The following GRK3 variants were observed in gnomAD, a reference collection of about 807,000 sequenced individuals.
The protein encoded by GRK3 is G protein-coupled receptor kinase 3, also known as adrenergic, beta, receptor kinase 2.
Under a neutral mutation model 95.7 loss-of-function variants are expected in GRK3, and 54 were observed. The observed-to-expected ratio is 0.56, with a 90% CI of 0.45 to 0.71. GRK3 has a LOEUF of 0.71. Ranked by LOEUF, GRK3 falls within the 30% of genes least tolerant of loss-of-function variation. The pLI is 0.00. For synonymous variants in GRK3, 281 were observed against 290.8 expected (o/e 0.97, Z 0.34); for missense variants, 649 against 851.2 (o/e 0.76, Z 2.96).
chr22:25,708,178 C>T (rs1330487577), intron 15 of GRK3, among the ~76,000 whole-genome samples: 2 of 151,964 alleles, frequency 1.3e-5, no homozygotes, highest in Admixed American at 6.6e-5. Flanking sequence ...ACCCAGGAGG[C>T]GGAGGTTGCA....
At chr22:25,608,276 T>G (rs1455886583) in intron 2 of GRK3, among the ~76,000 whole-genome samples, 1 of 152,222 alleles carries the variant, frequency 6.6e-6, no homozygotes, top group Admixed American at 6.5e-5. Flanking sequence ...ATGGTGAGTT[T>G]TCTAAATACA....
chr22:25,700,697 C>T (rs1376143341), intron 13 of GRK3, among the ~76,000 whole-genome samples: 1 of 152,160 alleles, frequency 6.6e-6, no homozygotes, highest in East Asian at 1.9e-4. Context: ...ACACCATTCT[C>T]CTGCCTCAGC....
rs77263742 is a variant in GRK3 at position 25,681,800 on chromosome 22, G to A, written c.747+2885G>A. The stretch of plus-strand genomic sequence containing the variant: ...TTTTAGTAGGAAATCAAAGTAGACA[G>A]TTCCTTGCTCAAGAGTTTTACTTAA... On this transcript the variant is annotated intron_variant, in intron 9 of 20. Transcript: ENST00000324198. 1.0e-3 allele frequency among the ~76,000 whole-genome samples: 153 copies of A among 152,290 alleles called. 1 individual carries two copies. Among genetic ancestry groups the A allele is most frequent in the African/African-American group, 3.6e-3 (148 of 41,568 alleles).
chr22:25,576,296 C>A (rs1468386179), intron 1 of GRK3, among the ~76,000 whole-genome samples: 1 of 152,156 alleles, frequency 6.6e-6, no homozygotes, highest in Non-Finnish European at 1.5e-5. Flanking sequence ...GTCACCCCTC[C>A]TAGGAGTGGC....
intron 13 of GRK3, among the ~76,000 whole-genome samples, chr22:25,696,970 C>T (rs1237934061): frequency 6.6e-6 from 1 of 152,190 alleles, no homozygotes; most frequent in Non-Finnish European, 1.5e-5. Context: ...TGCTGTTCTC[C>T]CCAGTGGAGT....
Position 25,648,936 on chromosome 22 carries a change from CT to C in GRK3, c.264+4272del, listed in dbSNP as rs1217236048. ...CAAATGGACAGCTCCTGAAGTTGCA[CT>C]GTATGGTGGGTTTACAATAAAGTCT... On this transcript the variant is annotated intron_variant, in intron 3 of 20. Coordinates refer to ENST00000324198, the MANE Select transcript of GRK3 (RefSeq NM_005160.4). The C allele has an allele frequency of 6.8e-6, 6 of 887,890 alleles. No individual in the cohort carries two copies. In the African/African-American group the frequency reaches 9.8e-5, roughly 15 times the overall value. 55.0% of individuals were successfully genotyped at this position (887,890 alleles called of 1,614,324 possible).
chr22:25,581,327 G>T (rs1200014077), intron 1 of GRK3: 1 of 152,180 alleles, frequency 6.6e-6, no homozygotes, highest in Non-Finnish European at 1.5e-5. Context: ...TCCCTGCAGG[G>T]CTAATGGAAG....
At chr22:25,570,343 C>CT (rs1473804492) in intron 1 of GRK3, among the ~76,000 whole-genome samples, 1 of 152,168 alleles carries the variant, frequency 6.6e-6, no homozygotes, top group African/African-American at 2.4e-5. Flanking sequence ...TTTCTACTGT[C>CT]TTTTTATTTA....
At chr22:25,671,982 G>A (rs2084986262) in intron 6 of GRK3, among the ~76,000 whole-genome samples, 1 of 151,942 alleles carries the variant, frequency 6.6e-6, no homozygotes, top group Non-Finnish European at 1.5e-5. Flanking sequence ...TAATATATTG[G>A]GTTACATAAA....
chr22:25,569,076 A>G (rs568476897), intron 1 of GRK3, among the ~76,000 whole-genome samples: 2 of 151,842 alleles, frequency 1.3e-5, no homozygotes, highest in African/African-American at 4.8e-5. Context: ...AACTTGAAAT[A>G]CTCCTCTCCG....
intron 2 of GRK3, among the ~76,000 whole-genome samples, chr22:25,612,626 A>G (rs2084507342): frequency 6.6e-6 from 1 of 151,878 alleles, no homozygotes; most frequent in Non-Finnish European, 1.5e-5. Context: ...ATTTCCTTTC[A>G]GTTTTTACTT....
chr22:25,607,305 T>C (rs1442570383), intron 2 of GRK3, among the ~76,000 whole-genome samples: 1 of 152,128 alleles, frequency 6.6e-6, no homozygotes, highest in Non-Finnish European at 1.5e-5. Context: ...TGATTCTTAG[T>C]GTACTCTAAT....
chr22:25,564,917 G>A lies in GRK3; in HGVS notation c.-124G>A, dbSNP rs1931387947. The A allele has an allele frequency of 6.9e-6, 1 of 145,886 alleles. No individual in the cohort carries two copies. The highest frequency in any genetic ancestry group is 7.0e-5 in the Admixed American group (1 of 14,348). 9.0% of individuals were successfully genotyped at this position (145,886 alleles called of 1,614,324 possible). ...CGCGGCGCGCGCGCGGGGCGGGGGCGCGCGGAGGGGGGGGCTGCCCCGGGG... is the reference window on the plus strand; with the variant it reads ...CGCGGCGCGCGCGCGGGGCGGGGGCACGCGGAGGGGGGGGCTGCCCCGGGG... On this transcript the variant is annotated 5_prime_UTR_variant, in exon 1 of 21. Coordinates refer to ENST00000324198, the MANE Select transcript of GRK3 (RefSeq NM_005160.4).
At chr22:25,661,120 A>T (rs138099618) in intron 3 of GRK3, among the ~76,000 whole-genome samples, 30 of 152,336 alleles carry the variant, frequency 2.0e-4, no homozygotes, top group African/African-American at 6.5e-4. Context: ...ATCTCTTTGC[A>T]GGAATTCTGG....
At chr22:25,673,353 C>T (rs896485270) in intron 7 of GRK3, among the ~76,000 whole-genome samples, 5 of 146,918 alleles carry the variant, frequency 3.4e-5, no homozygotes, top group African/African-American at 1.1e-4. Flanking sequence ...TGAGCCACCG[C>T]GCCCAGCAGG....
intron 1 of GRK3, among the ~76,000 whole-genome samples, chr22:25,595,610 T>G (rs1246002463): frequency 6.6e-6 from 1 of 152,110 alleles, no homozygotes; most frequent in Non-Finnish European, 1.5e-5. Context: ...AAAATATAAG[T>G]ACAGACTAGA....
chr22:25,623,834 T>A (rs1181908103), intron 2 of GRK3, among the ~76,000 whole-genome samples: 1 of 152,200 alleles, frequency 6.6e-6, no homozygotes, highest in African/African-American at 2.4e-5. Context: ...CCATTATTAC[T>A]CTGACCCAGA....
intron 3 of GRK3, among the ~76,000 whole-genome samples, chr22:25,646,151 T>C (rs964645862): frequency 2.0e-5 from 3 of 151,978 alleles, no homozygotes; most frequent in Admixed American, 6.5e-5. Context: ...AGAAGCAAGA[T>C]CATGTGAATC....
At chr22:25,597,864 A>G (rs1189859472) in intron 1 of GRK3, among the ~76,000 whole-genome samples, 1 of 152,218 alleles carries the variant, frequency 6.6e-6, no homozygotes, top group Non-Finnish European at 1.5e-5. Context: ...CTGGGATCCT[A>G]TACCCAATAA....
Sources: gnomAD v4.1 joint callset for allele counts (sites outside exome capture counted in the v4.1 genomes callset) on GRCh38, gnomAD v4.1.1 for gene constraint, MANE v1.5 for transcripts, NCBI Gene and HGNC (gene_info 2026-07-23, HGNC 2026-07-21) for gene names.